Variants in AMPD3 observed in about 807,000 individuals in gnomAD.
AMPD3 encodes the protein adenosine monophosphate deaminase 3.
In AMPD3, 57 loss-of-function variants were observed where a neutral mutation model predicts 82.3. That is an observed-to-expected ratio of 0.69 (90% confidence interval 0.56 to 0.86). The LOEUF (loss-of-function observed/expected upper bound fraction) is 0.86. AMPD3 is among the 40% of genes least tolerant of loss of function. The pLI is 0.00. For synonymous variants in AMPD3, 381 were observed against 394.7 expected, an observed-to-expected ratio of 0.97 and a Z score of 0.41; for missense variants, 870 against 1,003.8, an observed-to-expected ratio of 0.87 and a Z score of 1.80.
In AMPD3 at chr11:10,461,646, G is replaced by C; in HGVS notation, c.127G>C (p.Val43Leu). ...DSKDALSLFT[V>L]PEDCPIGQKE... ...CAAAGATGCCCTGTCCCTGTTCACTGTCCCAGAGGACTGCCCCATCGGGCA... is the reference window on the plus strand; with the variant it reads ...CAAAGATGCCCTGTCCCTGTTCACTCTCCCAGAGGACTGCCCCATCGGGCA... Residue 43 changes from valine to leucine, a missense_variant, in exon 2 of 15, where the codon GTC becomes CTC. Transcript: ENST00000396553. 6.2e-7 allele frequency: 1 copy of C among 1,614,262 alleles called. No individual in the cohort carries two copies. Among genetic ancestry groups the C allele is most frequent in the Non-Finnish European group, 8.5e-7 (1 of 1,180,054 alleles).
At position 10,502,641 on chromosome 11, in the gene AMPD3, T is replaced by C. The variant is rs890101542; in HGVS notation, c.1843-80T>C. 4.4e-6 allele frequency: 7 copies of C among 1,594,538 alleles called. No homozygotes were observed. In the African/African-American group the frequency reaches 9.4e-5, roughly 21 times the overall value. ...CCCCTGGTTTCCACTGGTGAATGCTTCTTCCCTTCCTTTCTCCCTTCCCTT... is the reference window on the plus strand; with the variant it reads ...CCCCTGGTTTCCACTGGTGAATGCTCCTTCCCTTCCTTTCTCCCTTCCCTT... On this transcript the variant is annotated intron_variant, in intron 12 of 14. Coordinates refer to ENST00000396553, the MANE Select transcript of AMPD3 (RefSeq NM_001025389.2).
intron 2 of AMPD3, among the ~76,000 whole-genome samples, chr11:10,465,141 G>A (rs1005147762): frequency 7.2e-5 from 11 of 152,228 alleles, no homozygotes; most frequent in Admixed American, 5.9e-4. Context: ...AGTGCTTGGA[G>A]CACCATTAAT....
intron 2 of AMPD3, among the ~76,000 whole-genome samples, chr11:10,467,947 C>T (rs1353655777): frequency 6.6e-6 from 1 of 152,186 alleles, no homozygotes; most frequent in Non-Finnish European, 1.5e-5. Context: ...AAATAAAATC[C>T]TTTACAGACA....
intron 6 of AMPD3, 45 bp downstream of exon 6, chr11:10,487,409 T>C (rs756497143): frequency 5.0e-5 from 80 of 1,611,354 alleles, no homozygotes; most frequent in Non-Finnish European, 6.7e-5. Flanking sequence ...CCGGTCCCCC[T>C]CCCAGCCCAT....
At chr11:10,473,755 T>C (rs1848659538) in intron 2 of AMPD3, among the ~76,000 whole-genome samples, 1 of 152,188 alleles carries the variant, frequency 6.6e-6, no homozygotes, top group African/African-American at 2.4e-5. Flanking sequence ...CCCCTCTTAG[T>C]TCCCTCCTTA....
intron 10 of AMPD3, among the ~76,000 whole-genome samples, chr11:10,498,231 C>T (rs976611176): frequency 6.6e-6 from 1 of 152,120 alleles, no homozygotes; most frequent in Admixed American, 6.5e-5. Flanking sequence ...GGTGGGCGTA[C>T]ACCTGGCAGG....
upstream of AMPD3, among the ~76,000 whole-genome samples, chr11:10,454,308 C>T (rs1016142436): frequency 5.3e-5 from 8 of 152,270 alleles, no homozygotes; most frequent in South Asian, 2.1e-4. Context: ...TGTCTGAACC[C>T]GATGCAATGG....
chr11:10,461,597 TA>T lies in AMPD3; in HGVS notation c.81del (p.Val28CysfsTer53). The T allele has an allele frequency of 6.2e-7, 1 of 1,614,232 alleles. No individual in the cohort carries two copies. Among genetic ancestry groups the T allele is most frequent in the Non-Finnish European group, 8.5e-7 (1 of 1,180,052 alleles). On this transcript the variant is annotated frameshift_variant, in exon 2 of 15. Coordinates refer to ENST00000396553, the MANE Select transcript of AMPD3 (RefSeq NM_001025389.2). LOFTEE classifies it high-confidence loss of function. The stretch of plus-strand genomic sequence containing the variant: ...GGCTCCTGGCGGAGAAGGTGTTTGC[TA>T]AAGTGCTCCGAGAAGAGGACAGCAA... ...VRLLAEKVFA[K>X]VLREEDSKDA...
chr11:10,483,165 A>T (rs975459241), intron 4 of AMPD3, among the ~76,000 whole-genome samples: 6 of 152,200 alleles, frequency 3.9e-5, no homozygotes, highest in African/African-American at 1.4e-4. Context: ...AGCTACATTT[A>T]TGCTGCCGAG....
At chr11:10,461,328 T>A in intron 1 of AMPD3, 187 bp from the exon 2 acceptor site, 1 of 1,580,266 alleles carries the variant, frequency 6.3e-7, no homozygotes, top group South Asian at 1.1e-5. Flanking sequence ...TGGCCCTACA[T>A]GCTTCACATC....
chr11:10,505,981 A>AC lies in AMPD3; in HGVS notation c.*97_*98insC. 9 of 1,410,104 alleles carry AC rather than the reference A, an allele frequency of 6.4e-6. No individual in the cohort carries two copies. Among genetic ancestry groups the AC allele is most frequent in the Non-Finnish European group, 9.0e-6 (9 of 1,005,134 alleles). The allele number at this position is 1,410,104 out of a possible 1,614,324, so 87.3% of individuals were successfully genotyped here. A position where few individuals can be genotyped will look rare whatever the true frequency, so the allele number is the denominator to read the frequency against. On this transcript the variant is annotated 3_prime_UTR_variant, in exon 15 of 15. Coordinates refer to ENST00000396553, the MANE Select transcript of AMPD3 (RefSeq NM_001025389.2). The stretch of plus-strand genomic sequence containing the variant: ...TTCCGAACTAGGACTTTCCTCTGTG[A>AC]AGAGGATGCCTCTGAAGAAATTTTA...
At position 10,505,324 on chromosome 11, in the gene AMPD3, G is replaced by A. The variant is rs1222651962; in HGVS notation, c.2128-384G>A. The A allele has an allele frequency of 5.1e-6, 5 of 985,294 alleles. No homozygotes were observed. The African/African-American group carries it at 8.7e-5, about 17-fold the overall frequency. 61.0% of individuals were successfully genotyped at this position (985,294 alleles called of 1,614,324 possible). Reference sequence around the variant, plus strand: ...AGGCTTAAGATTCTTTTCATGCGCAGTGTGGTGCCTTGGATTGGCCCTCCC... The same window carrying A: ...AGGCTTAAGATTCTTTTCATGCGCAATGTGGTGCCTTGGATTGGCCCTCCC... On this transcript the variant is annotated intron_variant, in intron 14 of 14. Transcript: ENST00000396553.
At chr11:10,469,666 G>T (rs1389656735) in intron 2 of AMPD3, among the ~76,000 whole-genome samples, 1 of 152,170 alleles carries the variant, frequency 6.6e-6, no homozygotes, top group African/African-American at 2.4e-5. Flanking sequence ...ATTTTATGAG[G>T]CCAGCATCAT....
chr11:10,493,325 G>A, intron 6 of AMPD3, 24 bp from the exon 7 acceptor site: 1 of 1,613,712 alleles, frequency 6.2e-7, no homozygotes, highest in Non-Finnish European at 8.5e-7. Flanking sequence ...CCTGACTCAG[G>A]GCCTGGTGGG....
intron 7 of AMPD3, among the ~76,000 whole-genome samples, chr11:10,493,972 C>T (rs1299178406): frequency 2.0e-5 from 3 of 152,224 alleles, no homozygotes; most frequent in Non-Finnish European, 4.4e-5. Context: ...CTCAGCAATT[C>T]ATTTCTAGGT....
intron 10 of AMPD3, chr11:10,499,186 G>C (rs1034760427): frequency 1.3e-5 from 2 of 152,874 alleles, no homozygotes; most frequent in African/African-American, 4.8e-5. Flanking sequence ...GCCCCAAAGA[G>C]TGCAGACCCA....
intron 2 of AMPD3, among the ~76,000 whole-genome samples, chr11:10,462,397 A>G (rs1369204589): frequency 6.6e-6 from 1 of 152,182 alleles, no homozygotes; most frequent in Non-Finnish European, 1.5e-5. Flanking sequence ...TGACAAGGAA[A>G]GCAGTAGTGT....
At chr11:10,473,806 C>T (rs1165031801) in intron 2 of AMPD3, among the ~76,000 whole-genome samples, 1 of 152,162 alleles carries the variant, frequency 6.6e-6, no homozygotes. Context: ...GCAGGGGCAG[C>T]GTGAGCAGCA....
chr11:10,477,733 C>A, intron 2 of AMPD3: 1 of 259,742 alleles, frequency 3.8e-6, no homozygotes, highest in Non-Finnish European at 6.0e-6. Context: ...ACACGGCGGG[C>A]TAGAGGAGGG....
Sources: allele counts gnomAD v4.1 joint callset (sites outside exome capture counted in the v4.1 genomes callset), GRCh38; gene constraint gnomAD v4.1.1; transcripts MANE v1.5; gene names NCBI Gene and HGNC (gene_info 2026-07-23, HGNC 2026-07-21).